Variants in CCDC178 observed in about 807,000 individuals in gnomAD.
CCDC178 encodes coiled-coil domain containing 178, also known as coiled-coil domain-containing protein 178.
CCDC178 carries 126 observed loss-of-function variants against 117.4 expected under a neutral mutation model. The ratio of observed to expected loss-of-function variants is 1.07; its 90% CI spans 0.93 to 1.24. CCDC178 has a LOEUF of 1.24. CCDC178 is among the 50% of genes most tolerant of loss of function. The probability of loss-of-function intolerance (pLI) is 0.00; values close to 1 mark genes in which losing one functional copy is unlikely to be tolerated. For synonymous variants in CCDC178, 283 were observed against 313.4 expected, an observed-to-expected ratio of 0.90 and a Z score of 1.02; for missense variants, 1,030 against 986.9, an observed-to-expected ratio of 1.04 and a Z score of -0.59.
chr18:33,029,942 T>C (rs1451238038), intron 21 of CCDC178, among the ~76,000 whole-genome samples: 1 of 152,012 alleles, frequency 6.6e-6, no homozygotes, highest in East Asian at 1.9e-4. Flanking sequence ...AGAATATATA[T>C]TCTGCTGGGT....
rs77576446 is a variant in CCDC178 at position 33,381,607 on chromosome 18, C to T, written c.208+7933G>A. 6.4e-3 allele frequency among the ~76,000 whole-genome samples: 979 copies of T among 152,268 alleles called. 13 individuals are homozygous for T. Among genetic ancestry groups the T allele is most frequent in the African/African-American group, 0.022 (908 of 41,540 alleles). On this transcript the variant is annotated intron_variant, in intron 5 of 22. Coordinates refer to ENST00000383096, the MANE Select transcript of CCDC178 (RefSeq NM_001105528.4). Reference sequence around the variant, plus strand: ...ATTCTACTTTCTTAAATTTTATCCTCACCTTTTTTTTCCATATACAAATGC... The same window carrying T: ...ATTCTACTTTCTTAAATTTTATCCTTACCTTTTTTTTCCATATACAAATGC...
At position 33,397,163 on chromosome 18, in the gene CCDC178, G is replaced by C; in HGVS notation, c.104C>G (p.Ser35Ter). The C allele has an allele frequency of 6.2e-7, 1 of 1,603,968 alleles. No individual in the cohort carries two copies. The highest frequency in any genetic ancestry group is 2.2e-5 in the East Asian group (1 of 44,678). Residue 35 changes from serine to a stop codon, truncating the protein, a stop_gained, in exon 4 of 23, where the codon TCA (serine) becomes TGA (stop). Coordinates refer to ENST00000383096, the MANE Select transcript of CCDC178 (RefSeq NM_001105528.4). LOFTEE classifies it high-confidence loss of function. ...CTGTTGGATACCTTCATTTGTCCTT[G>C]ACCATGCCTTCTCTCTGAGAGCCTT... Reference protein sequence around the residue: ...EVKALREKAWSRTNEGNAMSQ... With the variant: ...EVKALREKAW
intron 20 of CCDC178, among the ~76,000 whole-genome samples, chr18:33,165,114 CT>C (rs1443082997): frequency 1.3e-5 from 2 of 152,124 alleles, no homozygotes; most frequent in African/African-American, 4.8e-5. Context: ...TTTTGATACA[CT>C]TGTGGTTTGA....
At chr18:33,199,896 C>A (rs906140421) in intron 20 of CCDC178, among the ~76,000 whole-genome samples, 3 of 152,200 alleles carry the variant, frequency 2.0e-5, no homozygotes, top group African/African-American at 4.8e-5. Flanking sequence ...AGTTCCAAAT[C>A]TATTCCTCAA....
Position 33,372,380 on chromosome 18 carries a change from C to T in CCDC178, c.209-2191G>A, listed in dbSNP as rs114746929. Among the ~76,000 whole-genome samples, 1,011 of 152,172 alleles carry T rather than the reference C, an allele frequency of 6.6e-3. 8 individuals carry two copies. Among genetic ancestry groups the T allele is most frequent in the African/African-American group, 0.023 (958 of 41,534 alleles). On this transcript the variant is annotated intron_variant, in intron 5 of 22. Coordinates refer to ENST00000383096, the MANE Select transcript of CCDC178 (RefSeq NM_001105528.4). ...TCTTGACTGAACTGATAACTAGCTG[C>T]ACATCTTTAGCTAAAATGATTCAGT...
intron 2 of CCDC178, among the ~76,000 whole-genome samples, chr18:33,429,486 C>T (rs2064175293): frequency 6.6e-6 from 1 of 152,040 alleles, no homozygotes; most frequent in Non-Finnish European, 1.5e-5. Flanking sequence ...CAAATGATCA[C>T]ATAGCAAAAT....
chr18:33,311,877 C>T (rs1393770034), intron 11 of CCDC178, among the ~76,000 whole-genome samples: 1 of 152,078 alleles, frequency 6.6e-6, no homozygotes, highest in African/African-American at 2.4e-5. Context: ...GCAGACTTAC[C>T]CACCAAAATT....
intron 21 of CCDC178, among the ~76,000 whole-genome samples, chr18:33,034,825 A>G (rs1419491146): frequency 6.6e-6 from 1 of 152,034 alleles, no homozygotes; most frequent in African/African-American, 2.4e-5. Context: ...ATTAATTATA[A>G]TTCATTTCAT....
intron 11 of CCDC178, among the ~76,000 whole-genome samples, chr18:33,305,021 C>T (rs1002865132): frequency 6.6e-6 from 1 of 152,132 alleles, no homozygotes; most frequent in African/African-American, 2.4e-5. Flanking sequence ...GTTCTGTGTT[C>T]TGCACTGCTT....
Position 32,937,970 on chromosome 18 carries a change from T to A in CCDC178, c.*41A>T. 6.9e-7 allele frequency: 1 copy of A among 1,452,936 alleles called. No homozygotes were observed. Among genetic ancestry groups the A allele is most frequent in the Non-Finnish European group, 9.7e-7 (1 of 1,034,048 alleles). The allele number at this position is 1,452,936 out of a possible 1,614,324, so 90.0% of individuals were successfully genotyped here. A position where few individuals can be genotyped will look rare whatever the true frequency, so the allele number is the denominator to read the frequency against. ...TGTTATCTGAACTGTGTGACTTTTC[T>A]TGTCTTTTATTTCAGCATCCAAGAT... On this transcript the variant is annotated 3_prime_UTR_variant, in exon 23 of 23. Transcript: ENST00000383096.
At chr18:33,082,923 G>A (rs546443196) in intron 21 of CCDC178, among the ~76,000 whole-genome samples, 9 of 151,744 alleles carry the variant, frequency 5.9e-5, no homozygotes, top group African/African-American at 2.2e-4. Context: ...CCATTGCCAC[G>A]GTTGAGGTTA....
intron 14 of CCDC178, among the ~76,000 whole-genome samples, chr18:33,248,403 C>G (rs558094569): frequency 2.6e-5 from 4 of 151,128 alleles, no homozygotes. Context: ...GGTATAGCTC[C>G]TAATGCTATC....
At chr18:33,029,281 T>C (rs571073002) in intron 21 of CCDC178, among the ~76,000 whole-genome samples, 2 of 152,110 alleles carry the variant, frequency 1.3e-5, no homozygotes, top group South Asian at 4.1e-4. Flanking sequence ...CTCACCTGAA[T>C]TATCTAATTT....
rs1234761036 is a variant in CCDC178 at position 33,030,547 on chromosome 18, A to AGATAGATAGAT, written c.2389-55877_2389-55867dup. 2.0e-5 allele frequency among the ~76,000 whole-genome samples: 3 copies of AGATAGATAGAT among 151,844 alleles called. No homozygotes were observed. The East Asian group carries it at 5.8e-4, about 29-fold the overall frequency. ...AAGATAGATAGATAGATAGATAGAT[A>AGATAGATAGAT]GATAGATAGATAGATAGATAGAGGT... On this transcript the variant is annotated intron_variant, in intron 21 of 22. Transcript: ENST00000383096.
intron 2 of CCDC178, among the ~76,000 whole-genome samples, chr18:33,425,231 A>G (rs1038544112): frequency 3.0e-4 from 45 of 152,218 alleles, no homozygotes; most frequent in African/African-American, 1.0e-3. Context: ...GGAAACAGAG[A>G]CAGGATCTCA....
chr18:33,323,238 T>C (rs1162005400), intron 11 of CCDC178: 2 of 221,124 alleles, frequency 9.0e-6, no homozygotes, highest in African/African-American at 4.5e-5. Flanking sequence ...CCTCAGGCAA[T>C]TTTGCAATAT....
intron 3 of CCDC178, 104 bp from the exon 4 acceptor site, chr18:33,397,312 A>G: frequency 1.5e-6 from 1 of 670,670 alleles, no homozygotes; most frequent in Non-Finnish European, 2.5e-6. Context: ...CAGCATCAGA[A>G]TAAAGACATA....
intron 14 of CCDC178, among the ~76,000 whole-genome samples, chr18:33,264,561 A>T (rs942362959): frequency 2.6e-5 from 4 of 152,060 alleles, no homozygotes; most frequent in Non-Finnish European, 5.9e-5. Context: ...TAATTAAGTA[A>T]CATCTCAGGG....
chr18:33,260,900 T>C (rs1196566545), intron 14 of CCDC178, among the ~76,000 whole-genome samples: 1 of 152,180 alleles, frequency 6.6e-6, no homozygotes, highest in Non-Finnish European at 1.5e-5. Flanking sequence ...GACTTTCTAC[T>C]CATTTCCACT....
Sources: allele counts gnomAD v4.1 joint callset (sites outside exome capture counted in the v4.1 genomes callset), GRCh38; gene constraint gnomAD v4.1.1; transcripts MANE v1.5; gene names NCBI Gene and HGNC (gene_info 2026-07-23, HGNC 2026-07-21).